Variants in UBE2E2 observed in about 807,000 individuals in gnomAD.
UBE2E2 encodes the protein ubiquitin conjugating enzyme E2 E2, also known as ubiquitin-conjugating enzyme E2 E2.
UBE2E2 carries 6 observed loss-of-function variants against 24.7 expected under a neutral mutation model. The ratio of observed to expected loss-of-function variants is 0.24; its 90% CI spans 0.13 to 0.48. UBE2E2 has a LOEUF of 0.48. Among genes scored for constraint, UBE2E2 ranks in the 20% least tolerant of loss-of-function variants. UBE2E2 has a pLI of 0.99. For synonymous variants in UBE2E2, 104 were observed against 83.6 expected, an observed-to-expected ratio of 1.24 and a Z score of -1.33; for missense variants, 169 against 245.0, an observed-to-expected ratio of 0.69 and a Z score of 2.07.
At chr3:23,414,247 C>T (rs1697568063) in intron 3 of UBE2E2, among the ~76,000 whole-genome samples, 1 of 152,140 alleles carries the variant, frequency 6.6e-6, no homozygotes, top group Admixed American at 6.5e-5. Context: ...TTCCAGTTGT[C>T]AAGAGAGACC....
intron 3 of UBE2E2, among the ~76,000 whole-genome samples, chr3:23,473,451 A>G (rs2125435975): frequency 6.6e-6 from 1 of 150,574 alleles, no homozygotes; most frequent in African/African-American, 2.4e-5. Context: ...GTATTTCCAT[A>G]GGTTTTTGGG....
At chr3:23,528,749 A>C (rs1445361317) in intron 4 of UBE2E2, among the ~76,000 whole-genome samples, 1 of 152,270 alleles carries the variant, frequency 6.6e-6, no homozygotes, top group Admixed American at 6.5e-5. Context: ...CTGGCAGGTT[A>C]ACTGGCAGAG....
intron 3 of UBE2E2, among the ~76,000 whole-genome samples, chr3:23,415,729 C>T (rs1697607490): frequency 1.3e-5 from 2 of 152,108 alleles, no homozygotes; most frequent in Non-Finnish European, 2.9e-5. Context: ...TTCCATATTT[C>T]TGAAATTATA....
At chr3:23,388,833 C>T (rs527675989) in intron 3 of UBE2E2, among the ~76,000 whole-genome samples, 2 of 150,548 alleles carry the variant, frequency 1.3e-5, no homozygotes, top group South Asian at 2.1e-4. Flanking sequence ...GGTGAAACCC[C>T]GTCTCTACTA....
In UBE2E2 at chr3:23,378,167, A is replaced by G. The variant is rs1196002172; in HGVS notation, c.228-121441A>G. On this transcript the variant is annotated intron_variant, in intron 3 of 5. Coordinates refer to ENST00000396703, the MANE Select transcript of UBE2E2 (RefSeq NM_152653.4). ...AACTGAGCTCAGAAACATGATTTTT[A>G]TATACATATCTGAAAAAGAAATGTA... Among the ~76,000 whole-genome samples, 4 of 150,982 alleles carry G rather than the reference A, an allele frequency of 2.6e-5. No individual in the cohort carries two copies. The South Asian group carries it at 6.3e-4, about 24-fold the overall frequency.
chr3:23,207,784 A>T lies in UBE2E2; in HGVS notation c.-8-908A>T, dbSNP rs1489542518. 3.3e-5 allele frequency among the ~76,000 whole-genome samples: 5 copies of T among 152,206 alleles called. 1 individual carries two copies. Among genetic ancestry groups the T allele is most frequent in the Admixed American group, 3.3e-4 (5 of 15,284 alleles). ...TAGCACAGCGCCTGGTAGAGAGTAG[A>T]CCCTTAATCATTTTTGTCTTATTTT... On this transcript the variant is annotated intron_variant, in intron 1 of 5. Coordinates refer to ENST00000396703, the MANE Select transcript of UBE2E2 (RefSeq NM_152653.4).
At chr3:23,222,672 C>G (rs1248943222) in intron 3 of UBE2E2, among the ~76,000 whole-genome samples, 1 of 152,124 alleles carries the variant, frequency 6.6e-6, no homozygotes, top group Non-Finnish European at 1.5e-5. Context: ...TGTAAATTGC[C>G]CAGTCTCAGG....
chr3:23,416,233 A>AGCTCT (rs1304792303), intron 3 of UBE2E2, among the ~76,000 whole-genome samples: 1 of 152,202 alleles, frequency 6.6e-6, no homozygotes. Context: ...TAGTAGAATG[A>AGCTCT]TTCATAATCC....
intron 3 of UBE2E2, among the ~76,000 whole-genome samples, chr3:23,367,941 ATCT>A (rs1366453990): frequency 2.0e-5 from 3 of 152,130 alleles, no homozygotes; most frequent in Non-Finnish European, 4.4e-5. Flanking sequence ...GCTCACAGAA[ATCT>A]TCTGTGTTGA....
Position 23,491,514 on chromosome 3 carries a change from A to G in UBE2E2, c.228-8094A>G, listed in dbSNP as rs190383010. ...GAACTAGGGGTCAAATAGAATGGTC[A>G]GACCTACAGAACATCTTATGCAAAA... is the stretch of plus-strand genomic sequence containing the variant. On this transcript the variant is annotated intron_variant, in intron 3 of 5. Coordinates refer to ENST00000396703, the MANE Select transcript of UBE2E2 (RefSeq NM_152653.4). 1.8e-4 allele frequency among the ~76,000 whole-genome samples: 28 copies of G among 152,362 alleles called. No individual in the cohort carries two copies. The East Asian group carries it at 5.4e-3, about 29-fold the overall frequency.
At chr3:23,501,958 C>T (rs1239239489) in intron 4 of UBE2E2, among the ~76,000 whole-genome samples, 3 of 151,862 alleles carry the variant, frequency 2.0e-5, no homozygotes, top group African/African-American at 4.8e-5. Flanking sequence ...TTCAAATGCA[C>T]ATTTGATAGG....
intron 3 of UBE2E2, among the ~76,000 whole-genome samples, chr3:23,420,714 GAT>G (rs1402677723): frequency 1.3e-5 from 2 of 152,146 alleles, no homozygotes; most frequent in Non-Finnish European, 2.9e-5. Context: ...GTTGAATCAT[GAT>G]ATGTTTTTTT....
At chr3:23,565,388 A>G (rs530464832) in intron 5 of UBE2E2, among the ~76,000 whole-genome samples, 177 of 151,112 alleles carry the variant, frequency 1.2e-3, no homozygotes, top group Non-Finnish European at 2.3e-3. Context: ...ACTCTCATGA[A>G]CAGTGAGAAA....
chr3:23,218,863 A>G (rs1005966905), intron 3 of UBE2E2, among the ~76,000 whole-genome samples: 1 of 152,164 alleles, frequency 6.6e-6, no homozygotes, highest in African/African-American at 2.4e-5. Flanking sequence ...TTAAAAGTAA[A>G]AGAAACGTTT....
In UBE2E2 at chr3:23,436,790, C is replaced by G. The variant is rs949578615; in HGVS notation, c.228-62818C>G. 1.3e-5 allele frequency among the ~76,000 whole-genome samples: 2 copies of G among 152,202 alleles called. 1 individual carries two copies. The highest frequency in any genetic ancestry group is 2.9e-5 in the Non-Finnish European group (2 of 68,040). On this transcript the variant is annotated intron_variant, in intron 3 of 5. Transcript: ENST00000396703. Reference sequence around the variant, plus strand: ...GGCATACCACAGGTCTGGAATGCCTCTCTGTCTCTCCATTTGTATCTCCGA... The same window carrying G: ...GGCATACCACAGGTCTGGAATGCCTGTCTGTCTCTCCATTTGTATCTCCGA...
At chr3:23,429,417 G>A (rs1360309947) in intron 3 of UBE2E2, among the ~76,000 whole-genome samples, 1 of 152,176 alleles carries the variant, frequency 6.6e-6, no homozygotes, top group Non-Finnish European at 1.5e-5. Context: ...CCAACAGTGT[G>A]TAGAAACAAC....
intron 4 of UBE2E2, among the ~76,000 whole-genome samples, chr3:23,522,858 C>G (rs188804228): frequency 1.3e-5 from 2 of 151,880 alleles, no homozygotes; most frequent in African/African-American, 4.8e-5. Flanking sequence ...GCAAAACATT[C>G]CACAGTCCAA....
At chr3:23,396,438 A>G (rs192163655) in intron 3 of UBE2E2, among the ~76,000 whole-genome samples, 17 of 151,566 alleles carry the variant, frequency 1.1e-4, no homozygotes, top group African/African-American at 3.1e-4. Context: ...TACGTCGTAT[A>G]CATACATGTA....
At chr3:23,298,057 T>TG (rs932316501) in intron 3 of UBE2E2, among the ~76,000 whole-genome samples, 26 of 151,962 alleles carry the variant, frequency 1.7e-4, no homozygotes, top group Admixed American at 3.3e-4. Context: ...CAATTGTGAA[T>TG]GGGAGTTCAC....
Sources: gnomAD v4.1 joint callset for allele counts (sites outside exome capture counted in the v4.1 genomes callset) on GRCh38, gnomAD v4.1.1 for gene constraint, MANE v1.5 for transcripts, NCBI Gene and HGNC (gene_info 2026-07-23, HGNC 2026-07-21) for gene names.